Variants in UBE2K observed in about 807,000 individuals in gnomAD.
UBE2K encodes ubiquitin conjugating enzyme E2 K, also known as ubiquitin-conjugating enzyme E2 K.
UBE2K carries 6 observed loss-of-function variants against 30.0 expected under a neutral mutation model. That is an observed-to-expected ratio of 0.20 (90% CI 0.11 to 0.39). The LOEUF (loss-of-function observed/expected upper bound fraction) is 0.39, where lower values mean the gene tolerates loss of function less well. Ranked by LOEUF, UBE2K falls within the 10% of genes least tolerant of loss-of-function variation. UBE2K has a pLI of 1.00. For synonymous variants in UBE2K, 86 were observed against 83.7 expected (o/e 1.03, Z -0.15); for missense variants, 61 against 241.6 (o/e 0.25, Z 4.96).
chr4:39,748,237 T>C (rs1721079125), intron 3 of UBE2K, among the ~76,000 whole-genome samples: 1 of 152,188 alleles, frequency 6.6e-6, no homozygotes, highest in East Asian at 1.9e-4. Context: ...TCCCCACTTT[T>C]TTTTAGAGAC....
In UBE2K at chr4:39,698,168, C is replaced by A; in HGVS notation, c.-160C>A. The A allele has an allele frequency of 2.7e-6, 2 of 736,216 alleles. No homozygotes were observed. 45.6% of individuals were successfully genotyped at this position (736,216 alleles called of 1,614,324 possible). On this transcript the variant is annotated 5_prime_UTR_variant, in exon 1 of 7. Transcript: ENST00000261427. ...TGGTGGCCGGGCGCGGAGGTGATTCCACACTGAGGCGAGCGCGGCGGCCGG... is the reference window on the plus strand; with the variant it reads ...TGGTGGCCGGGCGCGGAGGTGATTCAACACTGAGGCGAGCGCGGCGGCCGG...
chr4:39,770,465 GTTCT>G (rs1712714835), intron 4 of UBE2K: 1 of 1,611,266 alleles, frequency 6.2e-7, no homozygotes, highest in African/African-American at 1.3e-5. Context: ...TGCACTTGAT[GTTCT>G]TTAAGGGGTT....
chr4:39,749,764 A>G (rs1276611332), intron 3 of UBE2K, among the ~76,000 whole-genome samples: 1 of 152,230 alleles, frequency 6.6e-6, no homozygotes, highest in Non-Finnish European at 1.5e-5. Flanking sequence ...TTGTATATAC[A>G]TACCAATGCT....
In UBE2K at chr4:39,777,679, T is replaced by C; in HGVS notation, c.400-3T>C. On this transcript the variant is annotated splice_region_variant and splice_polypyrimidine_tract_variant and intron_variant, in intron 5 of 6. Coordinates refer to ENST00000261427, the MANE Select transcript of UBE2K (RefSeq NM_005339.5). ...ATGTCAATCAATTTTTCCCCCCATA[T>C]AGTACAAACAAAATCCCGAAATGTT... is the stretch of plus-strand genomic sequence containing the variant. 6.4e-7 allele frequency: 1 copy of C among 1,555,292 alleles called. No homozygotes were observed. Among genetic ancestry groups the C allele is most frequent in the South Asian group, 1.3e-5 (1 of 79,352 alleles).
intron 1 of UBE2K, among the ~76,000 whole-genome samples, chr4:39,706,792 C>T (rs1418123606): frequency 1.3e-5 from 2 of 151,874 alleles, no homozygotes; most frequent in Non-Finnish European, 2.9e-5. Flanking sequence ...AACATGTTGA[C>T]CACAGCCCCA....
In UBE2K at chr4:39,778,407, T is replaced by C. The variant is rs778201661; in HGVS notation, c.576T>C (p.Thr192=). 4 of 1,613,212 alleles carry C rather than the reference T, an allele frequency of 2.5e-6. No individual in the cohort carries two copies. The highest frequency in any genetic ancestry group is 3.4e-6 in the Non-Finnish European group (4 of 1,179,556). Residue 192 remains threonine (T), a synonymous_variant, in exon 7 of 7, where the codon ACT becomes ACC. Coordinates refer to ENST00000261427, the MANE Select transcript of UBE2K (RefSeq NM_005339.5). The part of the protein sequence containing the change: ...ALSSKSWDVE[T]ATELLLSN ...CTTCAAAATCATGGGATGTAGAGAC[T>C]GCAACAGAATTGCTTCTGAGTAACT... is the stretch of plus-strand genomic sequence containing the variant.
chr4:39,736,113 A>G (rs1420802605), intron 1 of UBE2K, among the ~76,000 whole-genome samples: 1 of 152,100 alleles, frequency 6.6e-6, no homozygotes, highest in Non-Finnish European at 1.5e-5. Context: ...AGCAAAAAAC[A>G]TAAGAGTAGA....
intron 1 of UBE2K, among the ~76,000 whole-genome samples, chr4:39,722,957 G>A (rs1719512246): frequency 1.3e-5 from 2 of 151,316 alleles, no homozygotes; most frequent in African/African-American, 2.4e-5. Context: ...CACCACACCC[G>A]GCTAATTTAG....
At chr4:39,750,776 T>TC (rs1721214625) in intron 3 of UBE2K, among the ~76,000 whole-genome samples, 2 of 151,938 alleles carry the variant, frequency 1.3e-5, no homozygotes, top group Non-Finnish European at 2.9e-5. Context: ...GACAGGGTCT[T>TC]GCTGTGTTGC....
At chr4:39,753,532 C>G (rs989864225) in intron 3 of UBE2K, among the ~76,000 whole-genome samples, 1 of 152,092 alleles carries the variant, frequency 6.6e-6, no homozygotes, top group Non-Finnish European at 1.5e-5. Context: ...GATACAGTGT[C>G]TTTTAGGGAA....
intron 4 of UBE2K, among the ~76,000 whole-genome samples, chr4:39,761,475 A>G (rs1711939830): frequency 6.6e-6 from 1 of 152,226 alleles, no homozygotes. Context: ...AGTCCTTATG[A>G]ATGAATATAT....
chr4:39,763,251 CTT>C (rs35240266), intron 4 of UBE2K, among the ~76,000 whole-genome samples: 5 of 145,982 alleles, frequency 3.4e-5, no homozygotes, highest in African/African-American at 7.5e-5. Context: ...CCTTAAAACA[CTT>C]TTTTTTTTTT....
At chr4:39,735,627 C>T (rs1560356911) in intron 1 of UBE2K, among the ~76,000 whole-genome samples, 5 of 152,056 alleles carry the variant, frequency 3.3e-5, no homozygotes, top group Admixed American at 1.3e-4. Flanking sequence ...GTGATCTGCC[C>T]GCCTCAGCCT....
At chr4:39,712,232 C>T (rs1477712712) in intron 1 of UBE2K, among the ~76,000 whole-genome samples, 68 of 124,626 alleles carry the variant, frequency 5.5e-4, no homozygotes, top group African/African-American at 1.9e-3. Flanking sequence ...GACCGAGTCT[C>T]GCTCTGTCAC....
intron 4 of UBE2K, among the ~76,000 whole-genome samples, chr4:39,766,020 T>C (rs1192784613): frequency 9.9e-5 from 15 of 152,210 alleles, no homozygotes; most frequent in Non-Finnish European, 2.2e-4. Flanking sequence ...AACCTTAAGT[T>C]GCTTCTACCT....
chr4:39,770,019 C>T, intron 4 of UBE2K: 1 of 1,379,736 alleles, frequency 7.2e-7, no homozygotes, highest in Non-Finnish European at 9.8e-7. Flanking sequence ...TCTCCTGGGC[C>T]AAAGAGCCCT....
intron 4 of UBE2K, chr4:39,761,294 T>A (rs1452614145): frequency 6.6e-6 from 1 of 152,158 alleles, no homozygotes; most frequent in Non-Finnish European, 1.5e-5. Context: ...TGAAACCCAA[T>A]CTCTTTAAAA....
intron 1 of UBE2K, among the ~76,000 whole-genome samples, chr4:39,725,388 A>C (rs1230789327): frequency 2.7e-5 from 4 of 148,838 alleles, no homozygotes; most frequent in Admixed American, 6.7e-5. Context: ...AAAAAAAAAA[A>C]AAAAAAAAAA....
intron 2 of UBE2K, among the ~76,000 whole-genome samples, chr4:39,742,335 GT>G (rs5857698): frequency 6.7e-6 from 1 of 149,714 alleles, no homozygotes; most frequent in Non-Finnish European, 1.5e-5. Flanking sequence ...TTACCTGTCA[GT>G]TTTTTTTTTC....
Sources: gnomAD v4.1 joint callset for allele counts (sites outside exome capture counted in the v4.1 genomes callset) on GRCh38, gnomAD v4.1.1 for gene constraint, MANE v1.5 for transcripts, NCBI Gene and HGNC (gene_info 2026-07-23, HGNC 2026-07-21) for gene names.